Variants in GRIN1 observed in about 807,000 individuals in gnomAD.
GRIN1 encodes the protein glutamate ionotropic receptor NMDA type subunit 1.
GRIN1 carries 38 observed loss-of-function variants against 103.0 expected under a neutral mutation model. The observed-to-expected ratio is 0.37, with a 90% CI of 0.28 to 0.48. The LOEUF (loss-of-function observed/expected upper bound fraction) is 0.48. GRIN1 is among the 20% of genes least tolerant of loss of function. The pLI is 0.98. For synonymous variants in GRIN1, 544 were observed against 532.7 expected, an observed-to-expected ratio of 1.02 and a Z score of -0.29; for missense variants, 577 against 1,288.9, an observed-to-expected ratio of 0.45 and a Z score of 8.46.
chr9:137,164,794 T>C, intron 18 of GRIN1: 1 of 286,052 alleles, frequency 3.5e-6, no homozygotes, highest in Non-Finnish European at 6.9e-6. Context: ...TGAATCTTGG[T>C]GTGTGCCCCT....
chr9:137,152,562 G>T (rs1832968230), intron 4 of GRIN1, among the ~76,000 whole-genome samples: 2 of 152,194 alleles, frequency 1.3e-5, no homozygotes, highest in African/African-American at 4.8e-5. Flanking sequence ...CCCACAGAGA[G>T]GGGAGGGGGC....
At chr9:137,163,973 G>A (rs770202663) in intron 18 of GRIN1, 69 bp downstream of exon 18, 11 of 1,559,530 alleles carry the variant, frequency 7.1e-6, no homozygotes, top group Admixed American at 3.3e-5. Flanking sequence ...CTCCATCCCC[G>A]AAGGCCGTGG....
Position 137,167,598 on chromosome 9 carries a change from G to A in GRIN1, c.*71G>A. 1 of 1,530,322 alleles carries A rather than the reference G, an allele frequency of 6.5e-7. No individual in the cohort carries two copies. The highest frequency in any genetic ancestry group is 1.2e-5 in the South Asian group (1 of 81,918). 94.8% of individuals were successfully genotyped at this position (1,530,322 alleles called of 1,614,324 possible). ...GACAGACGGACGGGACAGCGGCCCGGCCCACGCAGAGCCCCGGAGCACCAC... is the reference window on the plus strand; with the variant it reads ...GACAGACGGACGGGACAGCGGCCCGACCCACGCAGAGCCCCGGAGCACCAC... On this transcript the variant is annotated 3_prime_UTR_variant, in exon 20 of 20. Transcript: ENST00000371561.
In GRIN1 at chr9:137,156,810, G is replaced by A. The variant is rs551190164; in HGVS notation, c.793+20G>A. 4 of 1,600,166 alleles carry A rather than the reference G, an allele frequency of 2.5e-6. No homozygotes were observed. The highest frequency in any genetic ancestry group is 2.7e-5 in the African/African-American group (2 of 74,748). On this transcript the variant is annotated intron_variant, in intron 5 of 19. Coordinates refer to ENST00000371561, the MANE Select transcript of GRIN1 (RefSeq NM_007327.4). ...CAGACGGTGAGTGCTGGGCCTTGGC[G>A]GGGTCCCCGAACGGGGAGGACCCCA... is the stretch of plus-strand genomic sequence containing the variant.
intron 16 of GRIN1, 104 bp from the exon 17 acceptor site, chr9:137,163,455 A>T (rs1476338329): frequency 1.4e-6 from 2 of 1,415,022 alleles, no homozygotes; most frequent in Non-Finnish European, 2.0e-6. Context: ...TGCCCACTCC[A>T]CGCCGCACCC....
Position 137,145,564 on chromosome 9 carries a change from C to T in GRIN1, c.394-162C>T, listed in dbSNP as rs1289018962. 2.3e-4 allele frequency among the ~76,000 whole-genome samples: 4 copies of T among 17,496 alleles called. 1 individual carries two copies. In the South Asian group the frequency reaches 5.2e-3, roughly 23 times the overall value. The allele number at this position is 17,496 out of a possible 152,430, so 11.5% of individuals were successfully genotyped here. A position where few individuals can be genotyped will look rare whatever the true frequency, so the allele number is the denominator to read the frequency against. ...GGTGGTAGGGACGGGGTGGGAGACA[C>T]GAGGGGGTCCCAGGGTCTAGAACGT... is the stretch of plus-strand genomic sequence containing the variant. On this transcript the variant is annotated intron_variant, in intron 2 of 19. Transcript: ENST00000371561.
At position 137,165,024 on chromosome 9, in the gene GRIN1, C is replaced by T; in HGVS notation, c.2590-162C>T. On this transcript the variant is annotated intron_variant, in intron 18 of 19. Transcript: ENST00000371561. Reference sequence around the variant, plus strand: ...GACCCCGGGCAGGAGAAGAGGCCACCCTCGAACGTCCGCTGTCGGCCCGTC... The same window carrying T: ...GACCCCGGGCAGGAGAAGAGGCCACTCTCGAACGTCCGCTGTCGGCCCGTC... 2 of 685,030 alleles carry T rather than the reference C, an allele frequency of 2.9e-6. 1 individual carries two copies. The highest frequency in any genetic ancestry group is 3.1e-5 in the South Asian group (2 of 63,974). 42.4% of individuals were successfully genotyped at this position (685,030 alleles called of 1,614,324 possible).
chr9:137,148,965 T>A (rs776577789), intron 3 of GRIN1, 44 bp from the exon 4 acceptor site: 4 of 1,392,720 alleles, frequency 2.9e-6, no homozygotes, highest in Admixed American at 3.6e-5. Context: ...AGGCGCTATG[T>A]CCCCTGCCCC....
intron 4 of GRIN1, among the ~76,000 whole-genome samples, chr9:137,155,356 A>G (rs769033726): frequency 5.3e-5 from 8 of 152,316 alleles, no homozygotes; most frequent in African/African-American, 7.2e-5. Context: ...AGATGCTCTC[A>G]TTTGGGGCAC....
intron 4 of GRIN1, among the ~76,000 whole-genome samples, chr9:137,154,344 C>G (rs752419787): frequency 6.8e-6 from 1 of 147,202 alleles, no homozygotes; most frequent in African/African-American, 2.5e-5. Context: ...AGGCTGGTCT[C>G]GAACTCCTGG....
intron 15 of GRIN1, 83 bp downstream of exon 15, chr9:137,163,086 G>C: frequency 6.3e-7 from 1 of 1,577,014 alleles, no homozygotes; most frequent in Non-Finnish European, 8.6e-7. Flanking sequence ...GAGAGCGTCC[G>C]GGCCGGGCAC....
At chr9:137,160,794 G>A (rs1833489801) in intron 8 of GRIN1, among the ~76,000 whole-genome samples, 1 of 152,214 alleles carries the variant, frequency 6.6e-6, no homozygotes, top group South Asian at 2.1e-4. Context: ...CTCTCCAGGA[G>A]TCTTTTCTGA....
rs114082143 is a variant in GRIN1, at chr9:137,158,026, G to C, written c.969-353G>C. 6.9e-3 allele frequency among the ~76,000 whole-genome samples: 1,044 copies of C among 152,354 alleles called. 13 individuals are homozygous for C. Among genetic ancestry groups the C allele is most frequent in the African/African-American group, 0.024 (990 of 41,578 alleles). The stretch of plus-strand genomic sequence containing the variant: ...ACCTCGCCTTCACTTGCTGGCAAGA[G>C]GGCAGGCATCCTTCTGAGCTTCTGC... On this transcript the variant is annotated intron_variant, in intron 6 of 19. Coordinates refer to ENST00000371561, the MANE Select transcript of GRIN1 (RefSeq NM_007327.4).
chr9:137,167,384 G>C, intron 19 of GRIN1, 27 bp from the exon 20 acceptor site: 1 of 1,536,622 alleles, frequency 6.5e-7, no homozygotes, highest in Non-Finnish European at 8.8e-7. Flanking sequence ...GGGCCAGCGG[G>C]TATTGATTGT....
chr9:137,163,127 C>T, intron 15 of GRIN1, 42 bp from the exon 16 acceptor site: 6 of 1,607,400 alleles, frequency 3.7e-6, no homozygotes, highest in Non-Finnish European at 4.2e-6. Flanking sequence ...GGCTTCCAGG[C>T]TGGCAGGACC....
intron 8 of GRIN1, among the ~76,000 whole-genome samples, chr9:137,160,460 C>G (rs539970412): frequency 6.6e-6 from 1 of 151,594 alleles, no homozygotes; most frequent in Non-Finnish European, 1.5e-5. Flanking sequence ...GACAGAGTCT[C>G]GCTCTGTCGC....
At chr9:137,155,486 G>A (rs1833162491) in intron 4 of GRIN1, among the ~76,000 whole-genome samples, 1 of 152,208 alleles carries the variant, frequency 6.6e-6, no homozygotes, top group African/African-American at 2.4e-5. Context: ...GAAAACTGGG[G>A]GCAGATCCCT....
rs11146026 is a variant in GRIN1 at position 137,161,576 on chromosome 9, G to A, written c.1467+160G>A. Among the ~76,000 whole-genome samples the A allele has an allele frequency of 0.56, 67,886 of 120,864 alleles. 19,869 individuals carry two copies. Among genetic ancestry groups the A allele is most frequent in the East Asian group, 0.91 (3,604 of 3,940 alleles). 79.3% of individuals were successfully genotyped at this position (120,864 alleles called of 152,430 possible). ...GCCTGCGGGCTGGGTCCTGGCGTGG[G>A]TAAAGCATGGGGTGGGCGGGGCCTG... On this transcript the variant is annotated intron_variant, in intron 10 of 19. Transcript: ENST00000371561.
rs1241934750 is a variant in GRIN1 at position 137,139,454 on chromosome 9, C to T, written c.-33C>T. 3.4e-6 allele frequency: 5 copies of T among 1,466,724 alleles called. No homozygotes were observed. Among genetic ancestry groups the T allele is most frequent in the Non-Finnish European group, 3.6e-6 (4 of 1,109,220 alleles). The allele number at this position is 1,466,724 out of a possible 1,614,324, so 90.9% of individuals were successfully genotyped here. A position where few individuals can be genotyped will look rare whatever the true frequency, so the allele number is the denominator to read the frequency against. On this transcript the variant is annotated 5_prime_UTR_variant, in exon 1 of 20. Coordinates refer to ENST00000371561, the MANE Select transcript of GRIN1 (RefSeq NM_007327.4). This position sits in a 1 kb window ranked among gnomAD's most constrained non-coding sequence, Gnocchi z 7.7. Reference sequence around the variant, plus strand: ...GGATGCGCCGAGGGCCCCGCGTTCGCGCCGCGCAGAGCCAGGCCCGCGGCC... The same window carrying T: ...GGATGCGCCGAGGGCCCCGCGTTCGTGCCGCGCAGAGCCAGGCCCGCGGCC...
Sources: gnomAD v4.1 joint callset for allele counts (sites outside exome capture counted in the v4.1 genomes callset) on GRCh38, gnomAD v4.1.1 for gene constraint, Gnocchi (gnomAD v3.1) non-coding constraint, MANE v1.5 for transcripts, NCBI Gene and HGNC (gene_info 2026-07-23, HGNC 2026-07-21) for gene names.